SLIT2: variants seen among roughly 807,000 people sequenced by gnomAD.
The protein encoded by SLIT2 is slit guidance ligand 2.
A neutral mutation model predicts 185.7 loss-of-function variants in SLIT2; 41 were observed. The observed-to-expected ratio is 0.22, with a 90% CI of 0.17 to 0.29. The LOEUF is 0.29. Among genes scored for constraint, SLIT2 ranks in the 10% least tolerant of loss-of-function variants. SLIT2 has a pLI of 1.00. For missense variants in SLIT2, 1,571 were observed against 1,909.0 expected (o/e 0.82, Z 3.30); for synonymous variants, 693 against 680.2 (o/e 1.02, Z -0.29).
intron 4 of SLIT2, among the ~76,000 whole-genome samples, chr4:20,460,672 C>G (rs914784670): frequency 5.3e-5 from 8 of 152,180 alleles, no homozygotes; most frequent in Admixed American, 6.5e-5. Context: ...CCATTTTACC[C>G]TCTACTTCTA....
At chr4:20,396,655 C>A (rs1386526701) in intron 4 of SLIT2, among the ~76,000 whole-genome samples, 1 of 151,490 alleles carries the variant, frequency 6.6e-6, no homozygotes, top group Non-Finnish European at 1.5e-5. Flanking sequence ...TCTGAGTGTT[C>A]TCTTCATTGC....
chr4:20,591,880 C>T (rs1577985024), intron 30 of SLIT2, among the ~76,000 whole-genome samples: 2 of 152,158 alleles, frequency 1.3e-5, no homozygotes, highest in East Asian at 3.9e-4. Context: ...TGCAAAAAGA[C>T]TAATCCTTAA....
intron 4 of SLIT2, among the ~76,000 whole-genome samples, chr4:20,419,618 G>A (rs1727995236): frequency 6.6e-6 from 1 of 151,254 alleles, no homozygotes; most frequent in South Asian, 2.1e-4. Context: ...TTTAAAATGG[G>A]GAAGATGGCA....
intron 30 of SLIT2, among the ~76,000 whole-genome samples, chr4:20,590,141 A>G (rs1352790923): frequency 2.0e-5 from 3 of 151,958 alleles, no homozygotes; most frequent in Non-Finnish European, 4.4e-5. Context: ...TCCTGACATC[A>G]TGATCCGCCC....
chr4:20,287,818 C>T (rs1168033740), intron 4 of SLIT2, among the ~76,000 whole-genome samples: 1 of 152,006 alleles, frequency 6.6e-6, no homozygotes, highest in Non-Finnish European at 1.5e-5. Context: ...GGCTAATAAG[C>T]ACATAGGAGA....
chr4:20,562,490 C>G (rs1021222996), intron 26 of SLIT2, among the ~76,000 whole-genome samples: 1 of 151,700 alleles, frequency 6.6e-6, no homozygotes, highest in African/African-American at 2.4e-5. Context: ...AACACATATT[C>G]TAAGACATGC....
At position 20,427,016 on chromosome 4, in the gene SLIT2, A is replaced by G. The variant is rs77522072; in HGVS notation, c.396-40736A>G. Among the ~76,000 whole-genome samples the G allele has an allele frequency of 9.9e-3, 1,505 of 152,276 alleles. 20 individuals are homozygous for G. The highest frequency in any genetic ancestry group is 0.033 in the African/African-American group (1,352 of 41,564). ...ATAGTCTAAGCTTTAACCAAACACT[A>G]TGTAACATTTATGGTATAGCTGTCC... On this transcript the variant is annotated intron_variant, in intron 4 of 36. Coordinates refer to ENST00000504154, the MANE Select transcript of SLIT2 (RefSeq NM_004787.4).
intron 4 of SLIT2, among the ~76,000 whole-genome samples, chr4:20,284,789 G>A (rs1388271620): frequency 6.6e-6 from 1 of 152,166 alleles, no homozygotes; most frequent in Non-Finnish European, 1.5e-5. Flanking sequence ...ACCCATTTAT[G>A]TGTGTGAGAG....
At chr4:20,496,465 T>C (rs763234145) in intron 9 of SLIT2, among the ~76,000 whole-genome samples, 4 of 152,160 alleles carry the variant, frequency 2.6e-5, no homozygotes, top group African/African-American at 4.8e-5. Context: ...TGAAATTAAA[T>C]AAAATAGTAA....
chr4:20,548,742 T>TA (rs202000032), intron 23 of SLIT2, among the ~76,000 whole-genome samples, 183 bp downstream of exon 23: 10 of 151,978 alleles, frequency 6.6e-5, no homozygotes, highest in South Asian at 2.1e-4. Flanking sequence ...TGCGTTCTAT[T>TA]AAAAAAAACA....
intron 28 of SLIT2, 39 bp downstream of exon 28, chr4:20,567,654 T>C (rs1342333190): frequency 4.1e-6 from 6 of 1,448,954 alleles, no homozygotes; most frequent in South Asian, 1.1e-5. Flanking sequence ...TCTGAAGTAT[T>C]GGAGCAAAGA....
intron 12 of SLIT2, among the ~76,000 whole-genome samples, chr4:20,521,512 G>A (rs1720837420): frequency 1.3e-5 from 2 of 152,204 alleles, no homozygotes; most frequent in African/African-American, 4.8e-5. Flanking sequence ...ACATCTTTCA[G>A]TTTCCTCAGG....
chr4:20,554,917 G>A (rs1178196777), intron 26 of SLIT2, among the ~76,000 whole-genome samples: 1 of 152,064 alleles, frequency 6.6e-6, no homozygotes, highest in Admixed American at 6.5e-5. Context: ...TTACAGGCAT[G>A]TGCCAACATA....
intron 9 of SLIT2, among the ~76,000 whole-genome samples, chr4:20,509,048 G>A (rs935220037): frequency 2.0e-5 from 3 of 151,542 alleles, no homozygotes; most frequent in Admixed American, 6.6e-5. Flanking sequence ...GTGTGTATGC[G>A]TTAAAGTATT....
chr4:20,602,126 A>G (rs557260503), intron 33 of SLIT2, among the ~76,000 whole-genome samples: 1 of 152,342 alleles, frequency 6.6e-6, no homozygotes, highest in East Asian at 1.9e-4. Context: ...CACATAAATC[A>G]GTATGAAGAC....
chr4:20,531,143 G>A (rs1021958610), intron 16 of SLIT2, among the ~76,000 whole-genome samples: 1 of 151,990 alleles, frequency 6.6e-6, no homozygotes, highest in African/African-American at 2.4e-5. Context: ...TCCAAAAAAC[G>A]ACAACATATA....
chr4:20,479,298 T>TA (rs1242414405), intron 5 of SLIT2, among the ~76,000 whole-genome samples: 4 of 152,198 alleles, frequency 2.6e-5, no homozygotes, highest in African/African-American at 7.2e-5. Context: ...GTCACTGGAT[T>TA]AAATCATTGC....
chr4:20,286,550 C>A (rs1227232523), intron 4 of SLIT2, among the ~76,000 whole-genome samples: 1 of 152,128 alleles, frequency 6.6e-6, no homozygotes, highest in East Asian at 1.9e-4. Context: ...GCCCGTAATC[C>A]CAGCACTTTG....
rs781071725 is a variant in SLIT2 at position 20,598,366 on chromosome 4, C to A, written c.3663C>A (p.Thr1221=). 3 of 1,613,902 alleles carry A rather than the reference C, an allele frequency of 1.9e-6. No homozygotes were observed. The highest frequency in any genetic ancestry group is 2.7e-5 in the African/African-American group (2 of 74,880). The change falls in exon 33 of 37, where the codon ACC becomes ACA. Residue 1221 remains threonine (T), a synonymous_variant. Transcript: ENST00000504154. ...YRGRVRASYD[T]GSHPASAIYS... ...GGCGTGTTCGTGCCAGCTATGACAC[C>A]GGCTCTCATCCAGCTTCTGCCATTT...
Sources: allele counts gnomAD v4.1 joint callset (sites outside exome capture counted in the v4.1 genomes callset), GRCh38; gene constraint gnomAD v4.1.1; transcripts MANE v1.5; gene names NCBI Gene and HGNC (gene_info 2026-07-23, HGNC 2026-07-21).